The following AGAP1 variants were observed in gnomAD, a reference collection of about 807,000 sequenced individuals.
AGAP1 encodes arf-GAP with GTPase, ANK repeat and PH domain-containing protein 1.
A neutral mutation model predicts 105.3 loss-of-function variants in AGAP1; 29 were observed. That is an observed-to-expected ratio of 0.28 (90% CI 0.21 to 0.38). The LOEUF (loss-of-function observed/expected upper bound fraction) is 0.38. Ranked by LOEUF, AGAP1 falls within the 10% of genes least tolerant of loss-of-function variation. The pLI, the probability that AGAP1 is intolerant of heterozygous loss-of-function variation, is 1.00. For missense variants in AGAP1, 998 were observed against 1,165.1 expected (o/e 0.86, Z 2.09); for synonymous variants, 509 against 485.9 (o/e 1.05, Z -0.63).
Position 235,736,452 on chromosome 2 carries a change from G to A in AGAP1, c.311-4511G>A, listed in dbSNP as rs138560772. Among the ~76,000 whole-genome samples, 24 of 152,292 alleles carry A rather than the reference G, an allele frequency of 1.6e-4. No individual in the cohort carries two copies. The East Asian group carries it at 4.3e-3, about 27-fold the overall frequency. On this transcript the variant is annotated intron_variant, in intron 3 of 17. Transcript: ENST00000304032. This position sits in a 1 kb window ranked among gnomAD's most constrained non-coding sequence, Gnocchi z 5.5. ...TTACATGGGCCATGGGCCAAGCTGT[G>A]CACCAGGTGCTGGGAGGATACCGGT...
chr2:235,814,033 G>A (rs1348943378), intron 9 of AGAP1, among the ~76,000 whole-genome samples: 2 of 152,140 alleles, frequency 1.3e-5, no homozygotes, highest in African/African-American at 2.4e-5. Flanking sequence ...TTCTTCTGCC[G>A]GTGTGCTTCT....
intron 13 of AGAP1, among the ~76,000 whole-genome samples, chr2:236,024,001 T>A (rs912156488): frequency 6.6e-6 from 1 of 150,636 alleles, no homozygotes. Context: ...CCTGCACCCA[T>A]CAGTAGTTTG....
intron 9 of AGAP1, among the ~76,000 whole-genome samples, chr2:235,832,637 T>C (rs1317772478): frequency 6.6e-6 from 1 of 152,240 alleles, no homozygotes. Context: ...TTCTTATGAA[T>C]GATAATTCTC....
In AGAP1 at chr2:235,934,934, T is replaced by C. The variant is rs986442552; in HGVS notation, c.1483+4011T>C. The stretch of plus-strand genomic sequence containing the variant: ...AATTAAGACTTTGGCTCTGGAGAAC[T>C]TTTCAAAGTCTCCTCTCTAGACACA... On this transcript the variant is annotated intron_variant, in intron 12 of 17. Coordinates refer to ENST00000304032, the MANE Select transcript of AGAP1 (RefSeq NM_001037131.3). The surrounding 1 kb of genome is among the most constrained non-coding windows in gnomAD (Gnocchi z 4.9). 1.3e-5 allele frequency among the ~76,000 whole-genome samples: 2 copies of C among 152,186 alleles called. No homozygotes were observed. The highest frequency in any genetic ancestry group is 2.4e-5 in the African/African-American group (1 of 41,436).
In AGAP1 at chr2:235,788,400, C is replaced by T. The variant is rs1390769671; in HGVS notation, c.674-9359C>T. ...ACTAGTAAGCCAGGATGGTGTGGTG[C>T]GGATCTTGGATGAGGTTAGCTGAGT... On this transcript the variant is annotated intron_variant, in intron 6 of 17. Transcript: ENST00000304032. This position sits in a 1 kb window ranked among gnomAD's most constrained non-coding sequence, Gnocchi z 6.0. Among the ~76,000 whole-genome samples the T allele has an allele frequency of 1.3e-5, 2 of 151,824 alleles. No individual in the cohort carries two copies. The highest frequency in any genetic ancestry group is 4.8e-5 in the African/African-American group (2 of 41,282).
intron 16 of AGAP1, among the ~76,000 whole-genome samples, chr2:236,097,527 G>A (rs1360395884): frequency 6.6e-6 from 1 of 151,380 alleles, no homozygotes; most frequent in African/African-American, 2.4e-5. Flanking sequence ...TGAGTAGCTG[G>A]AACTACAGGC....
chr2:235,956,367 A>T (rs914139445), intron 12 of AGAP1, among the ~76,000 whole-genome samples: 1 of 152,206 alleles, frequency 6.6e-6, no homozygotes, highest in Non-Finnish European at 1.5e-5. Context: ...AATTCCTGAT[A>T]TGCATTGCAT....
At position 236,062,093 on chromosome 2, in the gene AGAP1, AC is replaced by A. The variant is rs1277497056; in HGVS notation, c.2114+12813del. ...CTGCAGCCAAATTCCTGCCCTGCGGACGGCCCACAGGGGAGCGAGAGCAGGT... is the reference window on the plus strand; with the variant it reads ...CTGCAGCCAAATTCCTGCCCTGCGGAGGCCCACAGGGGAGCGAGAGCAGGT... On this transcript the variant is annotated intron_variant, in intron 16 of 17. Coordinates refer to ENST00000304032, the MANE Select transcript of AGAP1 (RefSeq NM_001037131.3). The surrounding 1 kb of genome is among the most constrained non-coding windows in gnomAD (Gnocchi z 4.2). Among the ~76,000 whole-genome samples, 2 of 152,156 alleles carry A rather than the reference AC, an allele frequency of 1.3e-5. No homozygotes were observed. The highest frequency in any genetic ancestry group is 4.8e-5 in the African/African-American group (2 of 41,522).
rs1946119109 is a variant in AGAP1, at chr2:235,611,379, T to A, written c.164-97800T>A. On this transcript the variant is annotated intron_variant, in intron 1 of 17. Coordinates refer to ENST00000304032, the MANE Select transcript of AGAP1 (RefSeq NM_001037131.3). The surrounding 1 kb of genome is among the most constrained non-coding windows in gnomAD (Gnocchi z 5.0). ...AAAATGATGTTAATATTCAAGGTCA[T>A]GGCCATCCTCAATGCAGCCTTCATA... Among the ~76,000 whole-genome samples the A allele has an allele frequency of 6.6e-6, 1 of 152,236 alleles. No individual in the cohort carries two copies. Among genetic ancestry groups the A allele is most frequent in the African/African-American group, 2.4e-5 (1 of 41,468 alleles).
chr2:235,848,630 C>T (rs1961798219), intron 9 of AGAP1, among the ~76,000 whole-genome samples: 1 of 152,206 alleles, frequency 6.6e-6, no homozygotes, highest in African/African-American at 2.4e-5. Context: ...GTACTATTTT[C>T]AGAGTACTTT....
rs1440876664 is a variant in AGAP1, at chr2:236,042,591, C to T, written c.1891+1750C>T. ...AGGAAAATGCCTGCAGTTGTTTCCA[C>T]CGTGCGTCTGAAGGTCGCTTTAAAA... On this transcript the variant is annotated intron_variant, in intron 15 of 17. Transcript: ENST00000304032. This position sits in a 1 kb window ranked among gnomAD's most constrained non-coding sequence, Gnocchi z 5.6. Among the ~76,000 whole-genome samples, 2 of 152,148 alleles carry T rather than the reference C, an allele frequency of 1.3e-5. No individual in the cohort carries two copies. Among genetic ancestry groups the T allele is most frequent in the African/African-American group, 4.8e-5 (2 of 41,454 alleles).
chr2:235,978,706 TACTC>T (rs2054960513), intron 13 of AGAP1, among the ~76,000 whole-genome samples: 1 of 152,214 alleles, frequency 6.6e-6, no homozygotes, highest in Non-Finnish European at 1.5e-5. Flanking sequence ...GCAGGCCTCT[TACTC>T]TCAATCCTGT....
intron 10 of AGAP1, among the ~76,000 whole-genome samples, chr2:235,890,942 C>CAAA (rs199864293): frequency 8.5e-6 from 1 of 117,668 alleles, no homozygotes; most frequent in Non-Finnish European, 1.7e-5. Flanking sequence ...AACTGAGGCT[C>CAAA]AAAAAAAAAA....
chr2:235,640,102 A>G (rs889429518), intron 1 of AGAP1, among the ~76,000 whole-genome samples: 3 of 152,242 alleles, frequency 2.0e-5, no homozygotes, highest in African/African-American at 4.8e-5. Flanking sequence ...AGCACTGTCT[A>G]TCACTAATAC....
chr2:235,756,936 G>T (rs1953977308), intron 6 of AGAP1, among the ~76,000 whole-genome samples: 1 of 152,004 alleles, frequency 6.6e-6, no homozygotes, highest in Admixed American at 6.6e-5. Flanking sequence ...TGCCAAAAAG[G>T]TTGGGGACTG....
At position 235,803,118 on chromosome 2, in the gene AGAP1, A is replaced by ATGATGGTTGTGATGG. The variant is rs1491416142; in HGVS notation, c.957+3601_957+3602insGTTGTGATGGTGATG. ...GATGGTGATGATGGTTGTGATGGTGATGATGATGGTTGTGGTGATGGTGAT... is the reference window on the plus strand; with the variant it reads ...GATGGTGATGATGGTTGTGATGGTGATGATGGTTGTGATGGTGATGATGGTTGTGGTGATGGTGAT... On this transcript the variant is annotated intron_variant, in intron 8 of 17. Transcript: ENST00000304032. 8.0e-3 allele frequency among the ~76,000 whole-genome samples: 257 copies of ATGATGGTTGTGATGG among 32,278 alleles called. 1 individual carries two copies. Among genetic ancestry groups the ATGATGGTTGTGATGG allele is most frequent in the African/African-American group, 0.028 (242 of 8,524 alleles). 21.2% of individuals were successfully genotyped at this position (32,278 alleles called of 152,430 possible). A position where few individuals can be genotyped will look rare whatever the true frequency, so the allele number is the denominator to read the frequency against.
At chr2:235,533,379 T>G (rs1206632440) in intron 1 of AGAP1, among the ~76,000 whole-genome samples, 1 of 152,224 alleles carries the variant, frequency 6.6e-6, no homozygotes, top group East Asian at 1.9e-4. Context: ...TGACTAATTT[T>G]TCTGGATCAG....
rs576198897 is a variant in AGAP1, at chr2:235,989,826, G to A, written c.1645+21203G>A. On this transcript the variant is annotated intron_variant, in intron 13 of 17. Transcript: ENST00000304032. This position sits in a 1 kb window ranked among gnomAD's most constrained non-coding sequence, Gnocchi z 4.4. Reference sequence around the variant, plus strand: ...CGGTCACAGCAGCAGCTCACAGGGAGGGACAGCCTCGGAAGAGGAAATCCA... The same window carrying A: ...CGGTCACAGCAGCAGCTCACAGGGAAGGACAGCCTCGGAAGAGGAAATCCA... Among the ~76,000 whole-genome samples, 2 of 152,308 alleles carry A rather than the reference G, an allele frequency of 1.3e-5. No homozygotes were observed. Among genetic ancestry groups the A allele is most frequent in the South Asian group, 2.1e-4 (1 of 4,828 alleles).
chr2:235,890,939 G>A (rs1341104991), intron 10 of AGAP1, among the ~76,000 whole-genome samples: 1 of 57,094 alleles, frequency 1.8e-5, no homozygotes, highest in African/African-American at 5.9e-5. Flanking sequence ...TAAAACTGAG[G>A]CTCAAAAAAA....
Sources: gnomAD v4.1 joint callset for allele counts (sites outside exome capture counted in the v4.1 genomes callset) on GRCh38, gnomAD v4.1.1 for gene constraint, Gnocchi (gnomAD v3.1) non-coding constraint, MANE v1.5 for transcripts, NCBI Gene and HGNC (gene_info 2026-07-23, HGNC 2026-07-21) for gene names.